The following R3HDM2 variants were observed in gnomAD, a reference collection of about 807,000 sequenced individuals.
R3HDM2 encodes R3H domain containing 2.
R3HDM2 carries 38 observed loss-of-function variants against 124.5 expected under a neutral mutation model. The observed-to-expected ratio is 0.31, with a 90% CI of 0.24 to 0.40. R3HDM2 has a LOEUF of 0.40. R3HDM2 is among the 10% of genes least tolerant of loss of function. The probability of loss-of-function intolerance (pLI) is 1.00; values close to 1 mark genes in which losing one functional copy is unlikely to be tolerated. For synonymous variants in R3HDM2, 391 were observed against 448.0 expected (o/e 0.87, Z 1.61); for missense variants, 869 against 1,236.9 (o/e 0.70, Z 4.46).
chr12:57,323,154 C>T (rs546850990), intron 2 of R3HDM2, among the ~76,000 whole-genome samples: 3 of 152,234 alleles, frequency 2.0e-5, no homozygotes, highest in Non-Finnish European at 2.9e-5. Flanking sequence ...AATTCAAATC[C>T]AGGTCTACTT....
chr12:57,262,772 A>T (rs2041203280), intron 19 of R3HDM2, among the ~76,000 whole-genome samples: 1 of 152,184 alleles, frequency 6.6e-6, no homozygotes, highest in Admixed American at 6.5e-5. Flanking sequence ...AGATTTCCAC[A>T]AACAGGGATT....
intron 1 of R3HDM2, chr12:57,430,460 G>A (rs890213438): frequency 2.4e-5 from 23 of 938,846 alleles, no homozygotes; most frequent in Admixed American, 6.2e-5. Flanking sequence ...AGGTCACCCC[G>A]CAAAGGCCAC....
chr12:57,305,817 T>C (rs2052457938), intron 3 of R3HDM2, among the ~76,000 whole-genome samples: 1 of 152,268 alleles, frequency 6.6e-6, no homozygotes, highest in Admixed American at 6.5e-5. Flanking sequence ...GTGCCTGCTA[T>C]GTGCAAGGCA....
Position 57,298,082 on chromosome 12 carries a change from G to A in R3HDM2, c.500+8C>T, listed in dbSNP as rs573656305. The A allele has an allele frequency of 6.0e-5, 92 of 1,543,382 alleles. 1 individual carries two copies. In the South Asian group the frequency reaches 1.0e-3, roughly 17 times the overall value. ...CCCCTTTTCCTCTTATACCCATCAT[G>A]TTATTACCTTGGGTTCTTTTTCAGT... On this transcript the variant is annotated splice_region_variant and intron_variant, in intron 7 of 23. Coordinates refer to ENST00000402412, the MANE Select transcript of R3HDM2 (RefSeq NM_001394031.1).
At chr12:57,407,551 G>A (rs918515019) in intron 1 of R3HDM2, among the ~76,000 whole-genome samples, 18 of 151,048 alleles carry the variant, frequency 1.2e-4, no homozygotes, top group African/African-American at 3.6e-4. Flanking sequence ...AATTACAGGC[G>A]TCTGCCACCG....
At chr12:57,424,088 T>C (rs1594670391) in intron 1 of R3HDM2, among the ~76,000 whole-genome samples, 1 of 103,738 alleles carries the variant, frequency 9.6e-6, no homozygotes, top group African/African-American at 3.8e-5. Flanking sequence ...CACTCCAGCC[T>C]GGGCAACAAG....
Position 57,310,437 on chromosome 12 carries a change from A to G in R3HDM2, c.-9T>C. 1 of 1,522,864 alleles carries G rather than the reference A, an allele frequency of 6.6e-7. No individual in the cohort carries two copies. The highest frequency in any genetic ancestry group is 8.8e-7 in the Non-Finnish European group (1 of 1,136,506). The allele number at this position is 1,522,864 out of a possible 1,614,324, so 94.3% of individuals were successfully genotyped here. Reference sequence around the variant, plus strand: ...GTGTTACTGTTAGACATGTTCTTCAATAGAATACAGTGGCCTCTATGGACT... The same window carrying G: ...GTGTTACTGTTAGACATGTTCTTCAGTAGAATACAGTGGCCTCTATGGACT... On this transcript the variant is annotated 5_prime_UTR_variant, in exon 3 of 24. Transcript: ENST00000402412.
chr12:57,357,644 A>ATTTTTTTTTTTTTTTTTTTTTTTTTTTT (rs35477289), intron 2 of R3HDM2, among the ~76,000 whole-genome samples: 1 of 127,442 alleles, frequency 7.8e-6, no homozygotes, highest in Non-Finnish European at 1.7e-5. Flanking sequence ...AGTTTTGCTG[A>ATTTTTTTTTTTTTTTTTTTTTTTTTTTT]TTTTTTTTTT....
At chr12:57,350,104 G>A (rs566375846) in intron 2 of R3HDM2, among the ~76,000 whole-genome samples, 1 of 152,166 alleles carries the variant, frequency 6.6e-6, no homozygotes, top group South Asian at 2.1e-4. Context: ...CAGCTACTTG[G>A]GAAGTTGAGG....
intron 2 of R3HDM2, among the ~76,000 whole-genome samples, chr12:57,334,079 TA>T (rs901144959): frequency 6.0e-5 from 9 of 151,170 alleles, no homozygotes; most frequent in Admixed American, 4.6e-4. Context: ...TTCACATATA[TA>T]AAAAAAACCT....
chr12:57,356,487 T>A (rs1409769296), intron 2 of R3HDM2, among the ~76,000 whole-genome samples: 1 of 152,238 alleles, frequency 6.6e-6, no homozygotes, highest in Non-Finnish European at 1.5e-5. Context: ...TGGCTTTAAT[T>A]TACTAAAACT....
intron 2 of R3HDM2, among the ~76,000 whole-genome samples, 155 bp from the exon 3 acceptor site, chr12:57,310,618 T>TA (rs202076039): frequency 0.013 from 1,872 of 145,098 alleles, 41 homozygotes; most frequent in East Asian, 0.095. Flanking sequence ...TTCATTTCTT[T>TA]AAAAAAAAAA....
chr12:57,257,698 T>C (rs909858240), intron 21 of R3HDM2, among the ~76,000 whole-genome samples: 1 of 152,228 alleles, frequency 6.6e-6, no homozygotes, highest in African/African-American at 2.4e-5. Flanking sequence ...GATATTAGGT[T>C]AAACTCTTTG....
chr12:57,257,111 G>A (rs1474490533), intron 21 of R3HDM2, among the ~76,000 whole-genome samples: 1 of 152,032 alleles, frequency 6.6e-6, no homozygotes, highest in Non-Finnish European at 1.5e-5. Flanking sequence ...TAGCCACTGC[G>A]CCCGGCTGTC....
At chr12:57,310,169 CA>C (rs747532936) in intron 3 of R3HDM2, 94 bp downstream of exon 3, 54 of 861,640 alleles carry the variant, frequency 6.3e-5, no homozygotes, top group Non-Finnish European at 9.1e-5. Context: ...CTAATTGTGC[CA>C]CTGCACTCCA....
chr12:57,265,943 C>T (rs926627292), intron 19 of R3HDM2, among the ~76,000 whole-genome samples: 2 of 151,606 alleles, frequency 1.3e-5, no homozygotes, highest in Admixed American at 1.3e-4. Context: ...ATTACAGATG[C>T]ACGCCACCAT....
chr12:57,390,106 G>C (rs1210069591), intron 2 of R3HDM2, among the ~76,000 whole-genome samples: 2 of 151,874 alleles, frequency 1.3e-5, no homozygotes, highest in South Asian at 2.1e-4. Context: ...TTACAGGTTG[G>C]GGGAGGGGAT....
At chr12:57,383,967 G>T (rs1361947068) in intron 2 of R3HDM2, among the ~76,000 whole-genome samples, 1 of 152,166 alleles carries the variant, frequency 6.6e-6, no homozygotes, top group African/African-American at 2.4e-5. Flanking sequence ...GGTAAGCCAT[G>T]CAGGGAGCAG....
chr12:57,304,602 C>T (rs536710454), intron 3 of R3HDM2: 1 of 737,402 alleles, frequency 1.4e-6, no homozygotes, highest in Non-Finnish European at 1.7e-6. Context: ...GATGGTGGAT[C>T]TGCTCAGTGG....
Sources: gnomAD v4.1 joint callset for allele counts (sites outside exome capture counted in the v4.1 genomes callset) on GRCh38, gnomAD v4.1.1 for gene constraint, MANE v1.5 for transcripts, NCBI Gene and HGNC (gene_info 2026-07-23, HGNC 2026-07-21) for gene names.